ZNF385D: variants seen among roughly 807,000 people sequenced by gnomAD.
ZNF385D encodes zinc finger protein 385D, also known as zinc finger protein 659.
Under a neutral mutation model 35.8 loss-of-function variants are expected in ZNF385D, and 15 were observed. That is an observed-to-expected ratio of 0.42 (90% CI 0.28 to 0.64). The LOEUF is 0.64. Ranked by LOEUF, ZNF385D falls within the 30% of genes least tolerant of loss-of-function variation. ZNF385D has a pLI of 0.23. For synonymous variants in ZNF385D, 212 were observed against 186.8 expected, an observed-to-expected ratio of 1.13 and a Z score of -1.10; for missense variants, 474 against 494.6, an observed-to-expected ratio of 0.96 and a Z score of 0.39.
At chr3:21,793,725 G>A (rs1016303092) in intron 3 of ZNF385D, among the ~76,000 whole-genome samples, 1 of 152,276 alleles carries the variant, frequency 6.6e-6, no homozygotes, top group East Asian at 1.9e-4. Context: ...TTCTGTGCTC[G>A]GGTCACTCAC....
chr3:22,259,641 T>A (rs1326739810), intron 2 of ZNF385D, among the ~76,000 whole-genome samples: 1 of 151,956 alleles, frequency 6.6e-6, no homozygotes, highest in East Asian at 1.9e-4. Flanking sequence ...AAATAAATAA[T>A]TTTTAATTTT....
chr3:21,643,305 T>C (rs2065659205), intron 2 of ZNF385D, among the ~76,000 whole-genome samples: 1 of 151,906 alleles, frequency 6.6e-6, no homozygotes. Flanking sequence ...GAGGAGAAGG[T>C]AAAAAGCTAG....
intron 2 of ZNF385D, among the ~76,000 whole-genome samples, chr3:22,246,156 T>C (rs1699766991): frequency 6.6e-6 from 1 of 152,190 alleles, no homozygotes; most frequent in South Asian, 2.1e-4. Context: ...TGAATACAAC[T>C]ATTTTAATAC....
chr3:22,078,932 G>C (rs972304104), intron 3 of ZNF385D, among the ~76,000 whole-genome samples: 2 of 151,988 alleles, frequency 1.3e-5, no homozygotes, highest in Non-Finnish European at 2.9e-5. Flanking sequence ...AAAATGTGTG[G>C]AAATTGACCT....
chr3:21,666,630 A>G (rs568927954), intron 1 of ZNF385D, among the ~76,000 whole-genome samples: 1 of 152,320 alleles, frequency 6.6e-6, no homozygotes, highest in African/African-American at 2.4e-5. Context: ...TCCACTTGGT[A>G]GTGTATTGAG....
intron 2 of ZNF385D, among the ~76,000 whole-genome samples, chr3:22,346,740 C>T (rs1158010080): frequency 2.0e-5 from 3 of 152,076 alleles, no homozygotes; most frequent in Non-Finnish European, 4.4e-5. Flanking sequence ...CTTCTCTCAC[C>T]TCAAAAAAAC....
chr3:22,123,217 C>T (rs748005069), intron 3 of ZNF385D, among the ~76,000 whole-genome samples: 1 of 151,850 alleles, frequency 6.6e-6, no homozygotes, highest in South Asian at 2.1e-4. Context: ...AGGGGAGAAG[C>T]GGGGGAGACT....
chr3:22,219,437 C>T (rs1698111073), intron 2 of ZNF385D, among the ~76,000 whole-genome samples: 1 of 152,092 alleles, frequency 6.6e-6, no homozygotes, highest in African/African-American at 2.4e-5. Flanking sequence ...TGTGCCCTGT[C>T]ACCATATATT....
intron 2 of ZNF385D, among the ~76,000 whole-genome samples, chr3:21,640,912 G>C (rs182866990): frequency 3.9e-4 from 59 of 152,200 alleles, no homozygotes; most frequent in African/African-American, 1.4e-3. Flanking sequence ...TTTCGTGTTT[G>C]TGACTGCACA....
At chr3:22,116,184 T>A (rs1466010643) in intron 3 of ZNF385D, among the ~76,000 whole-genome samples, 1 of 152,054 alleles carries the variant, frequency 6.6e-6, no homozygotes, top group Non-Finnish European at 1.5e-5. Flanking sequence ...AGAGAGCTTT[T>A]AGAAAAAAGC....
chr3:22,247,854 C>G (rs891865967), intron 2 of ZNF385D, among the ~76,000 whole-genome samples: 1 of 152,032 alleles, frequency 6.6e-6, no homozygotes, highest in Non-Finnish European at 1.5e-5. Flanking sequence ...CCACCTGCCT[C>G]GGCCTCCCAA....
intron 3 of ZNF385D, among the ~76,000 whole-genome samples, chr3:21,966,442 C>T (rs958828348): frequency 2.6e-5 from 4 of 152,194 alleles, no homozygotes; most frequent in African/African-American, 9.7e-5. Flanking sequence ...ATTACCCTAA[C>T]ATTTCTTGGA....
intron 2 of ZNF385D, among the ~76,000 whole-genome samples, chr3:22,303,930 A>C (rs1326697645): frequency 6.6e-6 from 1 of 152,118 alleles, no homozygotes; most frequent in Non-Finnish European, 1.5e-5. Context: ...GGCATGTGCC[A>C]CCACGCCCGG....
chr3:21,968,080 A>T (rs926395971), intron 3 of ZNF385D, among the ~76,000 whole-genome samples: 1 of 152,146 alleles, frequency 6.6e-6, no homozygotes, highest in African/African-American at 2.4e-5. Context: ...TACGGTGCAG[A>T]GAGAGTATCC....
chr3:22,324,296 T>G (rs1309171828), intron 2 of ZNF385D, among the ~76,000 whole-genome samples: 1 of 152,140 alleles, frequency 6.6e-6, no homozygotes, highest in East Asian at 1.9e-4. Flanking sequence ...TAATCATTAT[T>G]TGTAACTAGT....
At chr3:21,592,643 A>C (rs2125737681) in intron 2 of ZNF385D, among the ~76,000 whole-genome samples, 1 of 152,256 alleles carries the variant, frequency 6.6e-6, no homozygotes, top group South Asian at 2.1e-4. Context: ...ATCTGCAGTA[A>C]AGCTTATGTT....
chr3:21,902,872 C>T (rs1489228888), intron 3 of ZNF385D, among the ~76,000 whole-genome samples: 1 of 151,842 alleles, frequency 6.6e-6, no homozygotes, highest in East Asian at 1.9e-4. Context: ...GATAATACAC[C>T]CCTTTAGTAG....
At chr3:22,323,326 T>G (rs1386180606) in intron 2 of ZNF385D, among the ~76,000 whole-genome samples, 1 of 152,204 alleles carries the variant, frequency 6.6e-6, no homozygotes, top group Non-Finnish European at 1.5e-5. Context: ...ATAAAACATT[T>G]TCCATTATCT....
chr3:21,616,247 G>A (rs1469019228), intron 2 of ZNF385D, among the ~76,000 whole-genome samples: 2 of 152,112 alleles, frequency 1.3e-5, no homozygotes, highest in East Asian at 1.9e-4. Flanking sequence ...CACAATATCA[G>A]GCGATTTGAG....
Sources: gnomAD v4.1 joint callset for allele counts (sites outside exome capture counted in the v4.1 genomes callset) on GRCh38, gnomAD v4.1.1 for gene constraint, MANE v1.5 for transcripts, NCBI Gene and HGNC (gene_info 2026-07-23, HGNC 2026-07-21) for gene names.